RFX1: variants seen among roughly 807,000 people sequenced by gnomAD.
RFX1 encodes MHC class II regulatory factor RFX1.
Under a neutral mutation model 119.6 loss-of-function variants are expected in RFX1, and 42 were observed. The ratio of observed to expected loss-of-function variants is 0.35; its 90% confidence interval spans 0.27 to 0.45. The LOEUF (loss-of-function observed/expected upper bound fraction) is 0.45, where lower values mean the gene tolerates loss of function less well. Among genes scored for constraint, RFX1 ranks in the 20% least tolerant of loss-of-function variants. The pLI is 1.00. For synonymous variants in RFX1, 628 were observed against 618.5 expected (o/e 1.02, Z -0.23); for missense variants, 1,118 against 1,368.1 (o/e 0.82, Z 2.88).
chr19:13,970,268 G>A lies in RFX1; in HGVS notation c.1315-93C>T, dbSNP rs1974037263. On this transcript the variant is annotated intron_variant, in intron 9 of 20. Transcript: ENST00000254325. The stretch of plus-strand genomic sequence containing the variant: ...GAGTGCCCCACATCGACTTCCAGCT[G>A]GGATCCTGACAGCCACGCCCACATA... The A allele has an allele frequency of 3.5e-6, 4 of 1,158,766 alleles. No individual in the cohort carries two copies. In the Admixed American group the frequency reaches 1.0e-4, roughly 29 times the overall value. 71.8% of individuals were successfully genotyped at this position (1,158,766 alleles called of 1,614,324 possible).
chr19:13,993,726 G>T lies in RFX1; in HGVS notation c.118C>A (p.Pro40Thr). ...GCAGCAGCGGTGGGTGGCTGCGGGG[G>T]CTGGGGTGCCGCTGGGGGTGGTGGC... ...PPPPPPAAPQ[P>T]PQPPTAAATP... The change falls in exon 2 of 21, where the codon CCC (proline) becomes ACC (threonine). Residue 40 changes from proline (P) to threonine (T), a missense_variant. Physicochemically the swap from Pro to Thr is conservative, Grantham distance 38. Around this residue, in one of 5 missense-constraint regions of RFX1, gnomAD observed 542 missense variants for 602.7 expected, o/e 0.90. Transcript: ENST00000254325. 6.3e-7 allele frequency: 1 copy of T among 1,584,968 alleles called. No homozygotes were observed. Among genetic ancestry groups the T allele is most frequent in the Non-Finnish European group, 8.6e-7 (1 of 1,166,024 alleles).
intron 8 of RFX1, among the ~76,000 whole-genome samples, chr19:13,977,315 G>C (rs1336836116): frequency 4.7e-5 from 7 of 150,300 alleles, no homozygotes; most frequent in East Asian, 2.0e-4. Context: ...CAAAAAAAAA[G>C]AAAAAAATGG....
At chr19:13,979,856 A>G (rs551308318) in intron 6 of RFX1, among the ~76,000 whole-genome samples, 6 of 152,068 alleles carry the variant, frequency 3.9e-5, no homozygotes, top group East Asian at 3.9e-4. Flanking sequence ...ACACCCCCCA[A>G]TGTCAACTGT....
intron 8 of RFX1, among the ~76,000 whole-genome samples, chr19:13,975,466 G>T (rs541146853): frequency 1.3e-5 from 2 of 152,228 alleles, no homozygotes; most frequent in Admixed American, 6.5e-5. Context: ...GCACAGGCCC[G>T]AGTGGTTGTG....
intron 12 of RFX1, among the ~76,000 whole-genome samples, chr19:13,967,435 C>T (rs2145543472): frequency 6.6e-6 from 1 of 152,176 alleles, no homozygotes; most frequent in African/African-American, 2.4e-5. Context: ...CCTCGGCCTC[C>T]CAACGTGCTG....
At chr19:13,978,131 T>G (rs372259194) in intron 7 of RFX1, 45 bp from the exon 8 acceptor site, 1 of 1,431,838 alleles carries the variant, frequency 7.0e-7, no homozygotes, top group African/African-American at 1.4e-5. Flanking sequence ...GTGGGCCAGC[T>G]CCTACGGTTC....
chr19:13,999,604 A>G (rs1179007205), intron 1 of RFX1, among the ~76,000 whole-genome samples: 1 of 152,220 alleles, frequency 6.6e-6, no homozygotes, highest in African/African-American at 2.4e-5. Context: ...TTAAAAATGT[A>G]AAAATCATTC....
Position 13,980,113 on chromosome 19 carries a change from A to C in RFX1, c.738+460T>G, listed in dbSNP as rs1974380966. ...TTTTCAAGGGGCTTGGAACCCCCTC[A>C]ACTTCAGTGGTAACAACCAGATGGT... On this transcript the variant is annotated intron_variant, in intron 6 of 20. Coordinates refer to ENST00000254325, the MANE Select transcript of RFX1 (RefSeq NM_002918.5). The surrounding 1 kb of genome is among the most constrained non-coding windows in gnomAD (Gnocchi z 5.1). 6.6e-6 allele frequency among the ~76,000 whole-genome samples: 1 copy of C among 152,130 alleles called. No homozygotes were observed.
chr19:13,994,690 G>A (rs1310951212), intron 1 of RFX1, among the ~76,000 whole-genome samples: 1 of 149,868 alleles, frequency 6.7e-6, no homozygotes, highest in Non-Finnish European at 1.5e-5. Flanking sequence ...ACTCCAGCCT[G>A]GGAGACCCAA....
In RFX1 at chr19:13,982,154, G is replaced by A. The variant is rs146473524; in HGVS notation, c.588C>T (p.Val196=). ...GSKGGQVSLT[V]HGTQQVHSPP... is the part of the protein sequence containing the mutation. ...GCGAGTGCACCTGCTGGGTACCATGGACCGTCAGGGAGACCTGGCCACCTT... is the reference window on the plus strand; with the variant it reads ...GCGAGTGCACCTGCTGGGTACCATGAACCGTCAGGGAGACCTGGCCACCTT... The change falls in exon 5 of 21, where the codon GTC becomes GTT. Residue 196 remains valine, a synonymous_variant. Coordinates refer to ENST00000254325, the MANE Select transcript of RFX1 (RefSeq NM_002918.5). The A allele has an allele frequency of 6.1e-6, 8 of 1,311,378 alleles. No homozygotes were observed. In the African/African-American group the frequency reaches 1.1e-4, roughly 17 times the overall value. The allele number at this position is 1,311,378 out of a possible 1,614,324, so 81.2% of individuals were successfully genotyped here.
Position 13,963,636 on chromosome 19 carries a change from C to A in RFX1, c.2472G>T (p.Trp824Cys). ...QQNSLEQWAA[W>C]LDGVVSQVLK... is the part of the protein sequence containing the mutation. ...GCACCTGGCTCACCACGCCGTCCAG[C>A]CAGGCCGCCCACTGCTCCAGCGAGT... The change falls in exon 18 of 21, where the codon TGG becomes TGT. Residue 824 changes from tryptophan (W) to cysteine (C), a missense_variant. This residue lies in a region of RFX1 where 68 missense variants were observed against 67.2 expected (regional missense o/e 1.01). Transcript: ENST00000254325. 1.2e-6 allele frequency: 2 copies of A among 1,601,644 alleles called. No homozygotes were observed.
intron 1 of RFX1, among the ~76,000 whole-genome samples, chr19:14,005,863 G>T (rs1292516641): frequency 2.0e-5 from 3 of 147,524 alleles, no homozygotes; most frequent in Non-Finnish European, 4.5e-5. Context: ...CCGGCCTGCC[G>T]ACCTCCACTC....
At chr19:13,971,805 C>T (rs1326873371) in intron 9 of RFX1, among the ~76,000 whole-genome samples, 2 of 151,898 alleles carry the variant, frequency 1.3e-5, no homozygotes, top group Non-Finnish European at 2.9e-5. Flanking sequence ...GTCAGGAAAT[C>T]GAGACCATCC....
Position 13,985,931 on chromosome 19 carries a change from G to A in RFX1, c.320-2336C>T, listed in dbSNP as rs898581070. Among the ~76,000 whole-genome samples the A allele has an allele frequency of 2.6e-5, 4 of 152,220 alleles. No homozygotes were observed. Among genetic ancestry groups the A allele is most frequent in the African/African-American group, 9.7e-5 (4 of 41,450 alleles). On this transcript the variant is annotated intron_variant, in intron 2 of 20. Coordinates refer to ENST00000254325, the MANE Select transcript of RFX1 (RefSeq NM_002918.5). The surrounding 1 kb of genome is among the most constrained non-coding windows in gnomAD (Gnocchi z 4.3). ...GGGAGGCCTCCGCGTAGCCGCATGT[G>A]GGCTGTGGGGCATTTGGTCAATCCC...
rs1031056074 is a variant in RFX1, at chr19:13,990,742, C to G, written c.319+2783G>C. 6.6e-6 allele frequency among the ~76,000 whole-genome samples: 1 copy of G among 151,766 alleles called. No homozygotes were observed. The highest frequency in any genetic ancestry group is 2.1e-4 in the South Asian group (1 of 4,810). ...TGAGGCAGGAGAATGGTGTGAACCC[C>G]GGAGGCAGAGCTTGCAGTGAGCCGA... On this transcript the variant is annotated intron_variant, in intron 2 of 20. Transcript: ENST00000254325. This position sits in a 1 kb window ranked among gnomAD's most constrained non-coding sequence, Gnocchi z 4.1.
chr19:13,966,501 C>T lies in RFX1; in HGVS notation c.1881G>A (p.Gln627=). ...EAIVDVMVNL[Q]FTLVETLWKT... ...TCCACAGCGTCTCCACCAGGGTGAA[C>T]TGCAGGTTCACCATGACGTCGACAA... Residue 627 remains glutamine, a synonymous_variant, in exon 14 of 21, where the codon CAG becomes CAA. Transcript: ENST00000254325. This position sits in a 1 kb window ranked among gnomAD's most constrained non-coding sequence, Gnocchi z 6.3. 2.5e-6 allele frequency: 4 copies of T among 1,586,208 alleles called. No individual in the cohort carries two copies. Among genetic ancestry groups the T allele is most frequent in the Non-Finnish European group, 2.6e-6 (3 of 1,163,930 alleles).
chr19:13,963,271 T>C lies in RFX1; in HGVS notation c.2575A>G (p.Met859Val). ...CGCAGGGTCAGGTCCCGGATCACCA[T>C]GGAGCTGGGGATGGAGACGGAGAGG... ...FLLKWSFYSS[M>V]VIRDLTLRSA... The change falls in exon 19 of 21, where the codon ATG (methionine) becomes GTG (valine). Residue 859 changes from methionine (M) to valine (V), a missense_variant. This residue lies in a region of RFX1 where 32 missense variants were observed against 71.5 expected (regional missense o/e 0.45). Transcript: ENST00000254325. 6.2e-7 allele frequency: 1 copy of C among 1,609,328 alleles called. No homozygotes were observed. The highest frequency in any genetic ancestry group is 1.7e-4 in the Middle Eastern group (1 of 5,938).
chr19:13,983,331 T>C, intron 3 of RFX1, 61 bp from the exon 4 acceptor site: 1 of 1,419,694 alleles, frequency 7.0e-7, no homozygotes, highest in Non-Finnish European at 9.5e-7. Flanking sequence ...CTGGCGTGGT[T>C]GGGTGGCGGG....
At position 13,993,767 on chromosome 19, in the gene RFX1, T is replaced by C. The variant is rs1484201925; in HGVS notation, c.77A>G (p.Gln26Arg). Reference sequence around the variant, plus strand: ...GGGTGGTGGCGGTGGCGGCTGGGGCTGGGCTTGTGGCGGGGCCTGTGGCGG... The same window carrying C: ...GGGTGGTGGCGGTGGCGGCTGGGGCCGGGCTTGTGGCGGGGCCTGTGGCGG... The part of the protein sequence containing the change: ...SQPPQAPPQA[Q>R]PQPPPPPPPA... Residue 26 changes from glutamine to arginine, a missense_variant, in exon 2 of 21, where the codon CAG becomes CGG. Transcript: ENST00000254325. 2 of 1,591,648 alleles carry C rather than the reference T, an allele frequency of 1.3e-6. No homozygotes were observed. The highest frequency in any genetic ancestry group is 1.7e-6 in the Non-Finnish European group (2 of 1,171,584).
Sources: allele counts gnomAD v4.1 joint callset (sites outside exome capture counted in the v4.1 genomes callset), GRCh38; gene constraint gnomAD v4.1.1; regional missense constraint gnomAD v4.1.1; non-coding constraint Gnocchi (gnomAD v3.1); transcripts MANE v1.5; gene names NCBI Gene and HGNC (gene_info 2026-07-23, HGNC 2026-07-21).